LSM12: variants seen among roughly 807,000 people sequenced by gnomAD.
LSM12 encodes the protein protein LSM12.
For synonymous variants in LSM12, 74 were observed against 87.3 expected, an observed-to-expected ratio of 0.85 and a Z score of 0.85; for missense variants, 108 against 238.9, an observed-to-expected ratio of 0.45 and a Z score of 3.61.
chr17:44,047,596 T>C (rs1052934236), intron 2 of LSM12, among the ~76,000 whole-genome samples: 1 of 151,910 alleles, frequency 6.6e-6, no homozygotes, highest in African/African-American at 2.4e-5. Context: ...TAGGTCTTGC[T>C]CTGTTGCCCA....
upstream of LSM12, chr17:44,066,768 G>A: frequency 1.3e-6 from 1 of 741,932 alleles, no homozygotes. Context: ...AAATAAAGGG[G>A]AATCTGAAAA....
chr17:44,048,063 A>G (rs1014356371), intron 2 of LSM12, among the ~76,000 whole-genome samples: 124 of 144,346 alleles, frequency 8.6e-4, no homozygotes, highest in African/African-American at 2.8e-3. Flanking sequence ...ACACACACAC[A>G]CGCAAATAAA....
chr17:44,054,311 G>A (rs1243483994), intron 2 of LSM12, among the ~76,000 whole-genome samples: 1 of 152,054 alleles, frequency 6.6e-6, no homozygotes, highest in Non-Finnish European at 1.5e-5. Context: ...AAGCCAATGG[G>A]TTTTGTTGTT....
intron 2 of LSM12, among the ~76,000 whole-genome samples, chr17:44,057,696 T>C (rs909032923): frequency 2.0e-5 from 3 of 150,996 alleles, no homozygotes; most frequent in Admixed American, 6.6e-5. Flanking sequence ...GAGGCAGAGG[T>C]TGCAGTGAGC....
At chr17:44,040,035 C>T (rs2049467443) in intron 3 of LSM12, 112 bp downstream of exon 3, 6 of 716,310 alleles carry the variant, frequency 8.4e-6, no homozygotes, top group Non-Finnish European at 1.4e-5. Context: ...CAATACCCTA[C>T]CCAGCTTCCC....
chr17:44,044,733 A>G (rs1555623916), intron 2 of LSM12, among the ~76,000 whole-genome samples: 1 of 152,174 alleles, frequency 6.6e-6, no homozygotes, highest in Non-Finnish European at 1.5e-5. Context: ...GGGTGGGGAG[A>G]AGGAGATTAC....
intron 2 of LSM12, among the ~76,000 whole-genome samples, chr17:44,042,507 C>T (rs1306263128): frequency 6.6e-6 from 1 of 150,992 alleles, no homozygotes; most frequent in East Asian, 2.0e-4. Flanking sequence ...TCAAGCGATT[C>T]TCCTGTCTCA....
At chr17:44,040,681 A>C (rs71371965) in intron 2 of LSM12, among the ~76,000 whole-genome samples, 6,767 of 152,174 alleles carry the variant, frequency 0.044, 533 homozygotes, top group African/African-American at 0.16. Flanking sequence ...ATTTAAAAAT[A>C]TATACATTTC....
chr17:44,058,458 T>G (rs896628528), intron 2 of LSM12, among the ~76,000 whole-genome samples: 1 of 151,920 alleles, frequency 6.6e-6, no homozygotes, highest in African/African-American at 2.4e-5. Context: ...TTCGAATACT[T>G]TGGGAAGCCG....
intron 2 of LSM12, among the ~76,000 whole-genome samples, chr17:44,059,564 T>C (rs575899311): frequency 1.4e-3 from 212 of 151,842 alleles, no homozygotes; most frequent in Non-Finnish European, 2.2e-3. Context: ...AAAAAAGAAT[T>C]CCCCCTACTG....
chr17:44,066,653 A>AGCGCC lies in LSM12; in HGVS notation c.-71_-67dup. 1.6e-6 allele frequency: 2 copies of AGCGCC among 1,271,996 alleles called. No homozygotes were observed. The highest frequency in any genetic ancestry group is 2.0e-6 in the Non-Finnish European group (2 of 1,005,424). The allele number at this position is 1,271,996 out of a possible 1,614,324, so 78.8% of individuals were successfully genotyped here. A position where few individuals can be genotyped will look rare whatever the true frequency, so the allele number is the denominator to read the frequency against. On this transcript the variant is annotated 5_prime_UTR_variant, in exon 1 of 5. Transcript: ENST00000293406. ...GCGGGCGAAAGCCGGGCCCCCAGTG[A>AGCGCC]GCGCCGCGACGCGACGGCGCGCACG...
intron 1 of LSM12, among the ~76,000 whole-genome samples, chr17:44,065,380 G>C (rs989955616): frequency 4.0e-5 from 6 of 150,352 alleles, no homozygotes; most frequent in African/African-American, 1.2e-4. Context: ...GTCGGAGGTT[G>C]CAGTGAGCCG....
intron 1 of LSM12, among the ~76,000 whole-genome samples, chr17:44,064,292 G>A (rs748758048): frequency 6.6e-6 from 1 of 152,150 alleles, no homozygotes; most frequent in Non-Finnish European, 1.5e-5. Flanking sequence ...TACTCTTTCA[G>A]ATGTGAGCTT....
intron 2 of LSM12, among the ~76,000 whole-genome samples, chr17:44,047,499 G>A (rs913927980): frequency 2.6e-5 from 4 of 152,010 alleles, no homozygotes; most frequent in African/African-American, 2.4e-5. Context: ...CACCTGCCTC[G>A]GCCTCCCAAA....
chr17:44,036,353 T>C (rs1202397510), intron 4 of LSM12, 53 bp from the exon 5 acceptor site: 1 of 1,609,354 alleles, frequency 6.2e-7, no homozygotes, highest in South Asian at 1.1e-5. Flanking sequence ...AAGAAAGGTC[T>C]CCCAAACAAT....
intron 1 of LSM12, among the ~76,000 whole-genome samples, chr17:44,066,158 A>C (rs2049871868): frequency 6.8e-6 from 1 of 147,984 alleles, no homozygotes; most frequent in African/African-American, 2.5e-5. Context: ...CCCTCTCCTA[A>C]TTACTGTGTC....
chr17:44,056,850 G>C (rs539388196), intron 2 of LSM12, among the ~76,000 whole-genome samples: 67 of 152,200 alleles, frequency 4.4e-4, no homozygotes, highest in African/African-American at 1.5e-3. Flanking sequence ...AATTAGCCAG[G>C]TGGGGTGGCA....
chr17:44,055,507 C>CA (rs893366294), intron 2 of LSM12, among the ~76,000 whole-genome samples: 18,683 of 65,022 alleles, frequency 0.29, 2,391 homozygotes, highest in East Asian at 0.74. Flanking sequence ...ACCAAAAATA[C>CA]AAAAAAAAAA....
chr17:44,055,507 C>CAAAAAAAAAA (rs893366294), intron 2 of LSM12, among the ~76,000 whole-genome samples: 2 of 64,972 alleles, frequency 3.1e-5, no homozygotes, highest in Non-Finnish European at 7.4e-5. Context: ...ACCAAAAATA[C>CAAAAAAAAAA]AAAAAAAAAA....
Sources: gnomAD v4.1 joint callset for allele counts (sites outside exome capture counted in the v4.1 genomes callset) on GRCh38, gnomAD v4.1.1 for gene constraint, MANE v1.5 for transcripts, NCBI Gene and HGNC (gene_info 2026-07-23, HGNC 2026-07-21) for gene names.